FMNL3: variants seen among roughly 807,000 people sequenced by gnomAD.
FMNL3 encodes the protein formin-like protein 3.
A neutral mutation model predicts 119.6 loss-of-function variants in FMNL3; 57 were observed. The ratio of observed to expected loss-of-function variants is 0.48; its 90% CI spans 0.39 to 0.59. FMNL3 has a LOEUF of 0.59. Among genes scored for constraint, FMNL3 ranks in the 20% least tolerant of loss-of-function variants. The pLI, the probability that FMNL3 is intolerant of heterozygous loss-of-function variation, is 0.00. For missense variants in FMNL3, 1,053 were observed against 1,323.5 expected (o/e 0.80, Z 3.17); for synonymous variants, 491 against 507.3 (o/e 0.97, Z 0.43).
chr12:49,643,431 A>T lies in FMNL3; in HGVS notation c.*2384T>A. ...TTGCTGTGAGCGTAGAAGCTGGAGA[A>T]CTGTTGTCCCAGACTGAGAGGATGC... is the stretch of plus-strand genomic sequence containing the variant. On this transcript the variant is annotated 3_prime_UTR_variant, in exon 26 of 26. Transcript: ENST00000335154. The T allele has an allele frequency of 6.5e-7, 1 of 1,529,372 alleles. No individual in the cohort carries two copies. The highest frequency in any genetic ancestry group is 8.8e-7 in the Non-Finnish European group (1 of 1,140,788). The allele number at this position is 1,529,372 out of a possible 1,614,324, so 94.7% of individuals were successfully genotyped here.
chr12:49,689,838 T>G (rs190849736), intron 1 of FMNL3, among the ~76,000 whole-genome samples: 6 of 152,326 alleles, frequency 3.9e-5, no homozygotes, highest in Admixed American at 3.3e-4. Flanking sequence ...GCCCCTCATA[T>G]AGCTGCTTCA....
At chr12:49,659,734 G>A in intron 5 of FMNL3, 1 of 982,726 alleles carries the variant, frequency 1.0e-6, no homozygotes, top group Non-Finnish European at 1.2e-6. Flanking sequence ...GTTTGTCAAT[G>A]TGGCCAGGAC....
chr12:49,657,519 C>A (rs1943608245), intron 6 of FMNL3, among the ~76,000 whole-genome samples: 1 of 152,134 alleles, frequency 6.6e-6, no homozygotes, highest in African/African-American at 2.4e-5. Flanking sequence ...GTCATTTGAG[C>A]ATTCCCTCCA....
intron 1 of FMNL3, 37 bp downstream of exon 1, chr12:49,707,018 G>A (rs1159258605): frequency 6.4e-7 from 1 of 1,553,118 alleles, no homozygotes; most frequent in Admixed American, 2.0e-5. Flanking sequence ...GACCTGAGGG[G>A]CGGTACGCGG....
At chr12:49,667,696 T>C (rs1943929655) in intron 2 of FMNL3, among the ~76,000 whole-genome samples, 1 of 152,186 alleles carries the variant, frequency 6.6e-6, no homozygotes, top group South Asian at 2.1e-4. Flanking sequence ...ACTTGGTCCA[T>C]AACAAGCACT....
chr12:49,647,263 T>C lies in FMNL3; in HGVS notation c.2871+13A>G. 2 of 1,613,886 alleles carry C rather than the reference T, an allele frequency of 1.2e-6. No individual in the cohort carries two copies. Among genetic ancestry groups the C allele is most frequent in the Non-Finnish European group, 1.7e-6 (2 of 1,179,886 alleles). On this transcript the variant is annotated intron_variant, in intron 24 of 25. Coordinates refer to ENST00000335154, the MANE Select transcript of FMNL3 (RefSeq NM_175736.5). This position sits in a 1 kb window ranked among gnomAD's most constrained non-coding sequence, Gnocchi z 4.9. The stretch of plus-strand genomic sequence containing the variant: ...TTGTCGTCCTCCAGGCCCCAGCTCT[T>C]GGTCCCACCCACCTTGGCATCCAGT...
chr12:49,672,822 T>C (rs759661423), intron 1 of FMNL3, among the ~76,000 whole-genome samples: 2 of 152,200 alleles, frequency 1.3e-5, no homozygotes, highest in African/African-American at 2.4e-5. Context: ...ACAGTCTTCT[T>C]GAGCCAGGCC....
Position 49,643,383 on chromosome 12 carries a change from ATCT to A in FMNL3, c.*2429_*2431del, listed in dbSNP as rs1022807456. 1 of 1,565,786 alleles carries A rather than the reference ATCT, an allele frequency of 6.4e-7. No homozygotes were observed. The highest frequency in any genetic ancestry group is 1.4e-5 in the African/African-American group (1 of 73,164). ...GGAGGACGGGGCTCCCCTTCCTCCC[ATCT>A]TCTTGGAGCAGGTAAGCAGTTGCTG... On this transcript the variant is annotated 3_prime_UTR_variant, in exon 26 of 26. Coordinates refer to ENST00000335154, the MANE Select transcript of FMNL3 (RefSeq NM_175736.5).
At chr12:49,698,652 G>C (rs755780250) in intron 1 of FMNL3, among the ~76,000 whole-genome samples, 3 of 152,110 alleles carry the variant, frequency 2.0e-5, no homozygotes, top group Admixed American at 6.5e-5. Context: ...TTCTAAAAGA[G>C]GAAAAGAGAA....
intron 1 of FMNL3, among the ~76,000 whole-genome samples, chr12:49,699,231 T>C (rs929257736): frequency 2.6e-5 from 4 of 152,152 alleles, no homozygotes; most frequent in Non-Finnish European, 4.4e-5. Flanking sequence ...TGCTGTCCCA[T>C]GGGCTTACTA....
chr12:49,651,842 C>T (rs571989834), intron 14 of FMNL3, 91 bp downstream of exon 14: 457 of 1,450,724 alleles, frequency 3.2e-4, no homozygotes, highest in Non-Finnish European at 3.8e-4. Flanking sequence ...GCCATTTTCC[C>T]AGCTTCTCCC....
intron 1 of FMNL3, among the ~76,000 whole-genome samples, chr12:49,694,579 TAGTC>T (rs1409317145): frequency 1.3e-5 from 2 of 152,152 alleles, no homozygotes; most frequent in Admixed American, 6.5e-5. Context: ...ACCACGGACA[TAGTC>T]AGTCTTCAAA....
chr12:49,640,038 G>C lies in FMNL3; in HGVS notation c.*5777C>G, dbSNP rs1308041685. On this transcript the variant is annotated 3_prime_UTR_variant, in exon 26 of 26. Coordinates refer to ENST00000335154, the MANE Select transcript of FMNL3 (RefSeq NM_175736.5). The stretch of plus-strand genomic sequence containing the variant: ...CTGTCTCTCCACACAACCTGAGAAA[G>C]CAACTTTTTTAGACAGTTCCCTTCC... 6.6e-6 allele frequency: 1 copy of C among 152,214 alleles called. No homozygotes were observed. Among genetic ancestry groups the C allele is most frequent in the Non-Finnish European group, 1.5e-5 (1 of 68,044 alleles). 9.4% of individuals were successfully genotyped at this position (152,214 alleles called of 1,614,324 possible). A position where few individuals can be genotyped will look rare whatever the true frequency, so the allele number is the denominator to read the frequency against.
chr12:49,646,353 T>TG (rs144537184), intron 25 of FMNL3, among the ~76,000 whole-genome samples: 2,337 of 152,318 alleles, frequency 0.015, 21 homozygotes, highest in Middle Eastern at 0.041. Flanking sequence ...GGTCTGGTCC[T>TG]GCCTGCTCTG....
In FMNL3 at chr12:49,646,980, C is replaced by T. The variant is rs760027661; in HGVS notation, c.2901G>A (p.Gln967=). 3.7e-6 allele frequency: 6 copies of T among 1,613,960 alleles called. No individual in the cohort carries two copies. Among genetic ancestry groups the T allele is most frequent in the African/African-American group, 1.3e-5 (1 of 74,878 alleles). The part of the protein sequence containing the change: ...KTPSQRNKWQ[Q]QELIAELRRR... The stretch of plus-strand genomic sequence containing the variant: ...GCCTCAACTCTGCTATTAACTCCTG[C>T]TGTTGCCACTTGTTCCGCTGGGATG... Residue 967 remains glutamine, a synonymous_variant, in exon 25 of 26, where the codon CAG becomes CAA. Coordinates refer to ENST00000335154, the MANE Select transcript of FMNL3 (RefSeq NM_175736.5).
chr12:49,655,060 A>G (rs1212930954), intron 9 of FMNL3, 76 bp from the exon 10 acceptor site: 2 of 1,348,958 alleles, frequency 1.5e-6, no homozygotes, highest in Non-Finnish European at 2.1e-6. Flanking sequence ...GCTCCTAGGA[A>G]CATCATGGCA....
chr12:49,693,794 A>G (rs1944679682), intron 1 of FMNL3, among the ~76,000 whole-genome samples: 1 of 151,344 alleles, frequency 6.6e-6, no homozygotes, highest in Admixed American at 6.6e-5. Flanking sequence ...GATTACAGGC[A>G]CGCACCACCA....
chr12:49,668,588 C>A (rs923043249), intron 1 of FMNL3, 34 bp from the exon 2 acceptor site: 1 of 1,592,228 alleles, frequency 6.3e-7, no homozygotes, highest in African/African-American at 1.3e-5. Context: ...AAGGCTGAAA[C>A]CTCCCCTCAT....
rs1942010734 is a variant in FMNL3 at position 49,637,604 on chromosome 12, C to T, written c.*8211G>A. 6.2e-6 allele frequency: 10 copies of T among 1,605,210 alleles called. No homozygotes were observed. Among genetic ancestry groups the T allele is most frequent in the Non-Finnish European group, 8.5e-6 (10 of 1,173,142 alleles). The stretch of plus-strand genomic sequence containing the variant: ...AGCCGGGTAAGGCAGCCAGGCTCCC[C>T]CTTCTCTGGCCTGGCTTCCTGCCCT... On this transcript the variant is annotated 3_prime_UTR_variant, in exon 26 of 26. Transcript: ENST00000335154.
Sources: allele counts gnomAD v4.1 joint callset (sites outside exome capture counted in the v4.1 genomes callset), GRCh38; gene constraint gnomAD v4.1.1; non-coding constraint Gnocchi (gnomAD v3.1); transcripts MANE v1.5; gene names NCBI Gene and HGNC (gene_info 2026-07-23, HGNC 2026-07-21).